Variants in ACYP2 observed in about 807,000 individuals in gnomAD.
ACYP2 encodes acylphosphatase 2, also known as acylphosphatase-2.
ACYP2 carries 12 observed loss-of-function variants against 11.2 expected under a neutral mutation model. The observed-to-expected ratio is 1.08, with a 90% CI of 0.69 to 1.74. ACYP2 has a LOEUF of 1.74. Ranked by LOEUF, ACYP2 falls within the 40% of genes most tolerant of loss-of-function variation. The pLI, the probability that ACYP2 is intolerant of heterozygous loss-of-function variation, is 0.00. For missense variants in ACYP2, 134 were observed against 101.9 expected, an observed-to-expected ratio of 1.31 and a Z score of -1.35; for synonymous variants, 43 against 32.2, an observed-to-expected ratio of 1.33 and a Z score of -1.13.
intron 2 of ACYP2, among the ~76,000 whole-genome samples, chr2:54,012,167 T>C (rs1236371965): frequency 1.3e-5 from 2 of 151,520 alleles, no homozygotes; most frequent in African/African-American, 4.9e-5. Flanking sequence ...ACCTGGGAAG[T>C]TGAGGTTGCA....
At chr2:54,279,308 G>T (rs1688744622) in intron 6 of ACYP2, among the ~76,000 whole-genome samples, 1 of 152,088 alleles carries the variant, frequency 6.6e-6, no homozygotes, top group Non-Finnish European at 1.5e-5. Context: ...ATTATCTGTG[G>T]CTGCTTGTGC....
At chr2:54,192,906 C>A (rs77204626) in intron 6 of ACYP2, among the ~76,000 whole-genome samples, 1 of 152,122 alleles carries the variant, frequency 6.6e-6, no homozygotes, top group Non-Finnish European at 1.5e-5. Flanking sequence ...TGGAGAACAG[C>A]ATGGGGGAAA....
intron 6 of ACYP2, among the ~76,000 whole-genome samples, chr2:54,219,356 T>C (rs957057071): frequency 2.0e-5 from 3 of 152,094 alleles, no homozygotes; most frequent in Admixed American, 2.0e-4. Flanking sequence ...AATGCACTCA[T>C]ATTATAGGGC....
chr2:54,253,258 A>G (rs994061928), intron 6 of ACYP2: 1 of 152,240 alleles, frequency 6.6e-6, no homozygotes, highest in Non-Finnish European at 1.5e-5. Context: ...AAGTTATTCA[A>G]ATTAAAATGT....
chr2:54,185,159 C>T (rs189052274), intron 6 of ACYP2, among the ~76,000 whole-genome samples: 2 of 152,272 alleles, frequency 1.3e-5, no homozygotes, highest in East Asian at 1.9e-4. Flanking sequence ...CTGATTAATC[C>T]AAGCAAATAA....
chr2:54,238,832 G>C (rs1686611267), intron 6 of ACYP2, among the ~76,000 whole-genome samples: 1 of 151,572 alleles, frequency 6.6e-6, no homozygotes, highest in Non-Finnish European at 1.5e-5. Flanking sequence ...AATATTATGA[G>C]TGCTTATAAG....
intron 4 of ACYP2, among the ~76,000 whole-genome samples, chr2:54,057,723 A>G (rs879121259): frequency 1.3e-5 from 2 of 152,116 alleles, no homozygotes; most frequent in Admixed American, 1.3e-4. Flanking sequence ...AATATATATA[A>G]TACTGTTGTT....
intron 2 of ACYP2, among the ~76,000 whole-genome samples, chr2:54,015,926 A>G (rs1673660603): frequency 1.3e-5 from 2 of 151,904 alleles, no homozygotes; most frequent in Non-Finnish European, 2.9e-5. Context: ...CAGCCTCCCA[A>G]AGTGCTGGGA....
intron 6 of ACYP2, among the ~76,000 whole-genome samples, chr2:54,284,777 G>A (rs1315675153): frequency 6.6e-6 from 1 of 152,078 alleles, no homozygotes; most frequent in East Asian, 1.9e-4. Context: ...AGCAGGCTTT[G>A]CTTTCTACCT....
At chr2:53,993,281 AAGAG>A (rs912555959) in intron 2 of ACYP2, among the ~76,000 whole-genome samples, 11 of 152,142 alleles carry the variant, frequency 7.2e-5, no homozygotes, top group African/African-American at 2.4e-4. Flanking sequence ...AGTTATTAGA[AAGAG>A]AGAGATGATG....
rs148860266 is a variant in ACYP2 at position 54,051,724 on chromosome 2, A to G, written c.155+674A>G. The G allele has an allele frequency of 9.4e-3, 5,451 of 580,266 alleles. 57 individuals carry two copies. The highest frequency in any genetic ancestry group is 0.014 in the South Asian group (854 of 61,424). 35.9% of individuals were successfully genotyped at this position (580,266 alleles called of 1,614,324 possible). On this transcript the variant is annotated intron_variant, in intron 3 of 6. Coordinates refer to ENST00000607452, the MANE Select transcript of ACYP2 (RefSeq NM_001320586.2). The stretch of plus-strand genomic sequence containing the variant: ...AAAGCCTGATGCAGCAAAAAAAGGA[A>G]TCATCAAGGCTGAAAAAAGCAAGAA...
chr2:53,996,622 G>C (rs570896446), intron 2 of ACYP2, among the ~76,000 whole-genome samples: 1 of 152,314 alleles, frequency 6.6e-6, no homozygotes, highest in Admixed American at 6.5e-5. Context: ...ACCTCAGCTT[G>C]CTGTGGTAGA....
chr2:54,042,154 G>A (rs772134954), intron 2 of ACYP2, among the ~76,000 whole-genome samples: 15 of 152,094 alleles, frequency 9.9e-5, no homozygotes, highest in Non-Finnish European at 1.6e-4. Flanking sequence ...TTACAGGCAT[G>A]CACCACCACA....
intron 4 of ACYP2, among the ~76,000 whole-genome samples, chr2:54,081,261 G>T (rs560369552): frequency 1.3e-5 from 2 of 152,098 alleles, no homozygotes; most frequent in East Asian, 3.9e-4. Context: ...TATCCCCATC[G>T]AAAAAGATAA....
At chr2:54,106,542 G>T (rs1679170967) in intron 4 of ACYP2, among the ~76,000 whole-genome samples, 1 of 151,882 alleles carries the variant, frequency 6.6e-6, no homozygotes, top group South Asian at 2.1e-4. Flanking sequence ...TGCATATGCT[G>T]TCAACATAAT....
chr2:54,294,971 TTG>T (rs530686875), intron 6 of ACYP2, among the ~76,000 whole-genome samples: 181 of 152,216 alleles, frequency 1.2e-3, no homozygotes, highest in African/African-American at 3.9e-3. Context: ...CAATAGATGT[TTG>T]CACATCTTTG....
chr2:54,182,204 C>A (rs1434906046), intron 6 of ACYP2, among the ~76,000 whole-genome samples: 1 of 151,422 alleles, frequency 6.6e-6, no homozygotes, highest in Non-Finnish European at 1.5e-5. Flanking sequence ...GGATTACAGG[C>A]GCCCGCCACC....
chr2:54,008,018 A>C (rs1673169740), intron 2 of ACYP2, among the ~76,000 whole-genome samples: 1 of 152,230 alleles, frequency 6.6e-6, no homozygotes, highest in African/African-American at 2.4e-5. Context: ...GACACCTCAG[A>C]GGTTAGAAGC....
intron 6 of ACYP2, among the ~76,000 whole-genome samples, chr2:54,282,534 C>G (rs958602994): frequency 1.7e-4 from 26 of 152,192 alleles, no homozygotes; most frequent in Non-Finnish European, 4.4e-5. Context: ...TTTTCTCCAT[C>G]TATTCCTATG....
Sources: allele counts gnomAD v4.1 joint callset (sites outside exome capture counted in the v4.1 genomes callset), GRCh38; gene constraint gnomAD v4.1.1; transcripts MANE v1.5; gene names NCBI Gene and HGNC (gene_info 2026-07-23, HGNC 2026-07-21).